BUD23: variants seen among roughly 807,000 people sequenced by gnomAD.
BUD23 encodes the protein BUD23 rRNA methyltransferase and ribosome maturation factor, also known as 18S rRNA (guanine-N(7))-methyltransferase.
Under a neutral mutation model 47.0 loss-of-function variants are expected in BUD23, and 34 were observed. The observed-to-expected ratio is 0.72, with a 90% CI of 0.55 to 0.96. BUD23 has a LOEUF of 0.96. Among genes scored for constraint, BUD23 ranks in the 40% least tolerant of loss-of-function variants. The probability of loss-of-function intolerance (pLI) is 0.00; values close to 1 mark genes in which losing one functional copy is unlikely to be tolerated. For missense variants in BUD23, 343 were observed against 361.2 expected (o/e 0.95, Z 0.41); for synonymous variants, 124 against 132.0 (o/e 0.94, Z 0.41).
chr7:73,694,158 G>A (rs1798305370), intron 10 of BUD23, 108 bp downstream of exon 10: 1 of 1,152,080 alleles, frequency 8.7e-7, no homozygotes, highest in Non-Finnish European at 1.2e-6. Context: ...ACATGCAGCA[G>A]GGACACCAAG....
chr7:73,697,517 G>A (rs1432477742), intron 10 of BUD23, 88 bp from the exon 11 acceptor site: 6 of 1,603,326 alleles, frequency 3.7e-6, no homozygotes, highest in Non-Finnish European at 4.3e-6. Context: ...AGACTCGGAG[G>A]TAAGCTTGCC....
At chr7:73,683,897 TG>T in intron 2 of BUD23, 93 bp downstream of exon 2, 1 of 1,610,466 alleles carries the variant, frequency 6.2e-7, no homozygotes. Flanking sequence ...CCGTAGAATT[TG>T]GGGGTGCGGG....
chr7:73,693,577 G>GGGGGTGGAAGCGGATGAGTAAGAAGATTC lies in BUD23; in HGVS notation c.597-47_597-46insGGGGTGGAAGCGGATGAGTAAGAAGATTC. ...GGGGGAGCTGAGGGCTTGTCTCCCT[G>GGGGGTGGAAGCGGATGAGTAAGAAGATTC]TGGGGCTTTCTCCACCCAACCCTCA... On this transcript the variant is annotated intron_variant, in intron 8 of 11. Transcript: ENST00000265758. 2.5e-6 allele frequency: 4 copies of GGGGGTGGAAGCGGATGAGTAAGAAGATTC among 1,613,150 alleles called. No individual in the cohort carries two copies. The South Asian group carries it at 4.4e-5, about 18-fold the overall frequency.
At chr7:73,685,597 G>A (rs1797935231) in intron 2 of BUD23, among the ~76,000 whole-genome samples, 1 of 152,076 alleles carries the variant, frequency 6.6e-6, no homozygotes, top group Non-Finnish European at 1.5e-5. Context: ...TTGTGGAGAG[G>A]GAGTTTTGCT....
rs782624839 is a variant in BUD23 at position 73,683,752 on chromosome 7, T to C, written c.49-15T>C. The stretch of plus-strand genomic sequence containing the variant: ...CTGAATTATTCCTCTACATGCCATT[T>C]TCTCTTTTTCGCAGTTTTATGACGA... On this transcript the variant is annotated splice_polypyrimidine_tract_variant and intron_variant, in intron 1 of 11. Coordinates refer to ENST00000265758, the MANE Select transcript of BUD23 (RefSeq NM_017528.5). The C allele has an allele frequency of 2.5e-6, 4 of 1,614,178 alleles. No individual in the cohort carries two copies. The highest frequency in any genetic ancestry group is 3.4e-6 in the Non-Finnish European group (4 of 1,180,032).
intron 8 of BUD23, 50 bp from the exon 9 acceptor site, chr7:73,693,574 C>A: frequency 6.2e-7 from 1 of 1,612,488 alleles, no homozygotes; most frequent in Non-Finnish European, 8.5e-7. Flanking sequence ...GGCTTGTCTC[C>A]CTGTGGGGCT....
rs1405560707 is a variant in BUD23, at chr7:73,686,677, C to T, written c.128C>T (p.Ala43Val). 1.9e-6 allele frequency: 3 copies of T among 1,614,096 alleles called. No homozygotes were observed. The highest frequency in any genetic ancestry group is 1.7e-5 in the Admixed American group (1 of 59,996). ...ATCCAGACCAGGATGGCTGGGCGAG[C>T]ATTGGAGCTTCTTTATCTGCCAGAG... ...IDIQTRMAGR[A>V]LELLYLPENK... The change falls in exon 3 of 12, where the codon GCA (alanine) becomes GTA (valine). Residue 43 changes from alanine to valine, a missense_variant. Physicochemically the swap from Ala to Val is moderately conservative, Grantham distance 64. Coordinates refer to ENST00000265758, the MANE Select transcript of BUD23 (RefSeq NM_017528.5).
At chr7:73,691,978 C>T (rs1159033847) in intron 6 of BUD23, among the ~76,000 whole-genome samples, 14 of 152,146 alleles carry the variant, frequency 9.2e-5, no homozygotes, top group African/African-American at 3.4e-4. Context: ...CCCTAGTTTT[C>T]CTGGGGTGGA....
At chr7:73,692,511 C>A in intron 6 of BUD23, 85 bp from the exon 7 acceptor site, 1 of 1,325,818 alleles carries the variant, frequency 7.5e-7, no homozygotes, top group Non-Finnish European at 1.1e-6. Context: ...TCAGGAAATA[C>A]TTGGTGAATG....
chr7:73,684,075 A>G, intron 2 of BUD23: 1 of 1,213,942 alleles, frequency 8.2e-7, no homozygotes. Flanking sequence ...AACATGTGGT[A>G]AAAGAGGCGC....
chr7:73,687,876 A>G (rs1554613340), intron 5 of BUD23, among the ~76,000 whole-genome samples: 1 of 151,006 alleles, frequency 6.6e-6, no homozygotes, highest in East Asian at 2.0e-4. Context: ...CCCAGCCTCT[A>G]CTAAAAAGCC....
At chr7:73,697,743 A>C in intron 11 of BUD23, 49 bp downstream of exon 11, 1 of 1,610,874 alleles carries the variant, frequency 6.2e-7, no homozygotes, top group Non-Finnish European at 8.5e-7. Flanking sequence ...GTGGATGACT[A>C]TTGCCATGAA....
intron 2 of BUD23, among the ~76,000 whole-genome samples, chr7:73,685,814 C>G (rs868925369): frequency 4.0e-5 from 6 of 151,572 alleles, no homozygotes; most frequent in Middle Eastern, 6.8e-3. Flanking sequence ...CTCCAGAGGC[C>G]GGGCGCGGTG....
chr7:73,698,031 C>T lies in BUD23; in HGVS notation c.*145C>T, dbSNP rs1206828397. 2.2e-6 allele frequency: 2 copies of T among 919,732 alleles called. No individual in the cohort carries two copies. The highest frequency in any genetic ancestry group is 1.7e-5 in the African/African-American group (1 of 58,968). 57.0% of individuals were successfully genotyped at this position (919,732 alleles called of 1,614,324 possible). A position where few individuals can be genotyped will look rare whatever the true frequency, so the allele number is the denominator to read the frequency against. On this transcript the variant is annotated 3_prime_UTR_variant, in exon 12 of 12. Transcript: ENST00000265758. ...GTTCTCTGGGCCGGGCGTGGTGGCT[C>T]ACACCTGTAATCCCAGCACCTTGGG... is the stretch of plus-strand genomic sequence containing the variant.
intron 10 of BUD23, 68 bp downstream of exon 10, chr7:73,694,118 C>T: frequency 6.6e-7 from 1 of 1,518,534 alleles, no homozygotes; most frequent in Non-Finnish European, 8.9e-7. Flanking sequence ...CATGGACTTT[C>T]TCTCTGCCCT....
Position 73,692,593 on chromosome 7 carries a change from C to T in BUD23, c.460-3C>T. ...AAGACAGTGATGTTCCTGTTTCTTT[C>T]AGGTCCGGGGATCCCGAGCTGTCCT... On this transcript the variant is annotated splice_region_variant and splice_polypyrimidine_tract_variant and intron_variant, in intron 6 of 11. Coordinates refer to ENST00000265758, the MANE Select transcript of BUD23 (RefSeq NM_017528.5). 6.2e-7 allele frequency: 1 copy of T among 1,613,538 alleles called. No individual in the cohort carries two copies. Among genetic ancestry groups the T allele is most frequent in the Non-Finnish European group, 8.5e-7 (1 of 1,179,522 alleles).
Position 73,683,633 on chromosome 7 carries a change from C to A in BUD23, c.8C>A (p.Ser3Tyr), listed in dbSNP as rs782208484. The A allele has an allele frequency of 1.7e-5, 27 of 1,610,582 alleles. No individual in the cohort carries two copies. The highest frequency in any genetic ancestry group is 2.2e-5 in the Non-Finnish European group (26 of 1,178,838). Reference sequence around the variant, plus strand: ...TGCTGCTGAGGCGTGAGAATGGCGTCCCGCGGCCGGCGTCCGGAGCATGGC... The same window carrying A: ...TGCTGCTGAGGCGTGAGAATGGCGTACCGCGGCCGGCGTCCGGAGCATGGC... Reference protein sequence around the residue: MASRGRRPEHGGP... With the variant: MAYRGRRPEHGGP... The change falls in exon 1 of 12, where the codon TCC (serine) becomes TAC (tyrosine). Residue 3 changes from serine (S) to tyrosine (Y), a missense_variant. Transcript: ENST00000265758.
intron 1 of BUD23, 36 bp downstream of exon 1, chr7:73,683,709 C>G: frequency 3.1e-6 from 5 of 1,614,078 alleles, no homozygotes; most frequent in Non-Finnish European, 4.2e-6. Context: ...CCTCTCCCCA[C>G]TTCTGCGGCC....
In BUD23 at chr7:73,694,017, T is replaced by C. The variant is rs781910515; in HGVS notation, c.668T>C (p.Val223Ala). The change falls in exon 10 of 12, where the codon GTT becomes GCT. Residue 223 changes from valine (V) to alanine (A), a missense_variant. Val to Ala is a moderately conservative substitution (Grantham distance 64). Coordinates refer to ENST00000265758, the MANE Select transcript of BUD23 (RefSeq NM_017528.5). Reference protein sequence around the residue: ...PEGLSENQDEVEPRESVFTNE... With the variant: ...PEGLSENQDEAEPRESVFTNE... ...GGGCTGAGTGAAAATCAGGATGAAG[T>C]TGAACCCAGGGAGTCTGTGTTCACC... The C allele has an allele frequency of 6.2e-7, 1 of 1,612,646 alleles. No individual in the cohort carries two copies. The highest frequency in any genetic ancestry group is 8.5e-7 in the Non-Finnish European group (1 of 1,179,616).
Sources: gnomAD v4.1 joint callset for allele counts (sites outside exome capture counted in the v4.1 genomes callset) on GRCh38, gnomAD v4.1.1 for gene constraint, MANE v1.5 for transcripts, NCBI Gene and HGNC (gene_info 2026-07-23, HGNC 2026-07-21) for gene names.